Variants in ZBTB20 observed in about 807,000 individuals in gnomAD.
The protein encoded by ZBTB20 is zinc finger and BTB domain-containing protein 20.
A neutral mutation model predicts 56.9 loss-of-function variants in ZBTB20; 9 were observed. The ratio of observed to expected loss-of-function variants is 0.16; its 90% CI spans 0.10 to 0.28. The LOEUF (loss-of-function observed/expected upper bound fraction) is 0.28. Ranked by LOEUF, ZBTB20 falls within the 10% of genes least tolerant of loss-of-function variation. The probability of loss-of-function intolerance (pLI) is 1.00; values close to 1 mark genes in which losing one functional copy is unlikely to be tolerated. For missense variants in ZBTB20, 655 were observed against 1,003.0 expected (o/e 0.65, Z 4.69); for synonymous variants, 417 against 420.7 (o/e 0.99, Z 0.11).
At chr3:114,358,533 T>C (rs1010127322) in intron 10 of ZBTB20, among the ~76,000 whole-genome samples, 5 of 152,230 alleles carry the variant, frequency 3.3e-5, no homozygotes, top group African/African-American at 1.2e-4. Flanking sequence ...TCTTTTTACT[T>C]GGCCTTAGAG....
At chr3:115,030,669 A>G (rs962162489) in intron 2 of ZBTB20, among the ~76,000 whole-genome samples, 1 of 151,218 alleles carries the variant, frequency 6.6e-6, no homozygotes, top group Non-Finnish European at 1.5e-5. Context: ...ATGAGAGATG[A>G]TTCTGTCCTC....
At chr3:114,592,738 A>G (rs1480384142) in intron 6 of ZBTB20, among the ~76,000 whole-genome samples, 1 of 152,240 alleles carries the variant, frequency 6.6e-6, no homozygotes, top group Non-Finnish European at 1.5e-5. Context: ...CCTTCCACTA[A>G]AGAGATTACT....
At chr3:115,141,701 T>C (rs1033230419) in intron 1 of ZBTB20, among the ~76,000 whole-genome samples, 1 of 152,186 alleles carries the variant, frequency 6.6e-6, no homozygotes, top group Non-Finnish European at 1.5e-5. Context: ...TATTAAAACC[T>C]TTCTTTGTCT....
At chr3:114,591,943 G>A (rs576677792) in intron 6 of ZBTB20, among the ~76,000 whole-genome samples, 1 of 152,042 alleles carries the variant, frequency 6.6e-6, no homozygotes, top group East Asian at 1.9e-4. Context: ...TGTGATTTTT[G>A]CATCACTCTT....
At chr3:115,093,584 C>T (rs534837531) in intron 1 of ZBTB20, among the ~76,000 whole-genome samples, 16 of 152,162 alleles carry the variant, frequency 1.1e-4, no homozygotes, top group African/African-American at 2.7e-4. Context: ...AGGAAACACA[C>T]GCACACTTAT....
intron 2 of ZBTB20, among the ~76,000 whole-genome samples, chr3:115,031,021 A>T (rs1184010318): frequency 6.6e-6 from 1 of 151,432 alleles, no homozygotes; most frequent in African/African-American, 2.4e-5. Context: ...ATTTACATAC[A>T]TCCCTTCATA....
intron 7 of ZBTB20, among the ~76,000 whole-genome samples, chr3:114,397,905 G>A (rs1220065370): frequency 6.6e-6 from 1 of 152,050 alleles, no homozygotes; most frequent in East Asian, 1.9e-4. Flanking sequence ...AAACTCTTAA[G>A]CCTGGGCTCG....
intron 1 of ZBTB20, among the ~76,000 whole-genome samples, chr3:115,129,880 T>G (rs1261812855): frequency 6.6e-6 from 1 of 152,210 alleles, no homozygotes; most frequent in Non-Finnish European, 1.5e-5. Context: ...ACACCTTCCA[T>G]GCATTCCACT....
chr3:114,961,124 A>AT (rs1182830602), intron 3 of ZBTB20, among the ~76,000 whole-genome samples: 2 of 151,922 alleles, frequency 1.3e-5, no homozygotes, highest in Non-Finnish European at 2.9e-5. Flanking sequence ...AAAAAAAAAA[A>AT]AATACATGAT....
At chr3:114,394,229 A>C (rs970134476) in intron 7 of ZBTB20, among the ~76,000 whole-genome samples, 1 of 152,196 alleles carries the variant, frequency 6.6e-6, no homozygotes, top group African/African-American at 2.4e-5. Flanking sequence ...TTTTACAGAT[A>C]AGGAAAAGTG....
At chr3:114,367,005 A>C (rs569269249) in intron 10 of ZBTB20, 47 of 152,396 alleles carry the variant, frequency 3.1e-4, no homozygotes, top group African/African-American at 1.1e-3. Context: ...CTTTCAAAAA[A>C]ATAAAAGATG....
At chr3:115,013,569 C>T (rs1451106923) in intron 2 of ZBTB20, among the ~76,000 whole-genome samples, 1 of 151,694 alleles carries the variant, frequency 6.6e-6, no homozygotes, top group African/African-American at 2.4e-5. Context: ...AAGCCCACTA[C>T]CTGATGGCTT....
chr3:114,861,007 G>A (rs140688771), intron 4 of ZBTB20, among the ~76,000 whole-genome samples: 2 of 152,278 alleles, frequency 1.3e-5, no homozygotes, highest in East Asian at 3.9e-4. Context: ...GTATTGTAAA[G>A]ACTTTCAAAG....
At chr3:115,101,953 T>C (rs1485515880) in intron 1 of ZBTB20, among the ~76,000 whole-genome samples, 1 of 152,230 alleles carries the variant, frequency 6.6e-6, no homozygotes, top group Admixed American at 6.5e-5. Flanking sequence ...GATCAACCGA[T>C]TCTTCACCTT....
intron 1 of ZBTB20, among the ~76,000 whole-genome samples, chr3:115,099,469 G>C (rs1448399975): frequency 2.0e-5 from 3 of 152,160 alleles, no homozygotes; most frequent in African/African-American, 4.8e-5. Flanking sequence ...CAAAATAAAA[G>C]TTAGAAAACA....
intron 6 of ZBTB20, among the ~76,000 whole-genome samples, chr3:114,509,159 C>T (rs2045014328): frequency 6.6e-6 from 1 of 152,116 alleles, no homozygotes; most frequent in Admixed American, 6.6e-5. Context: ...TCTAGTCCTA[C>T]TTATTTCCAC....
chr3:114,713,903 A>G (rs776669711), intron 5 of ZBTB20: 2 of 152,598 alleles, frequency 1.3e-5, no homozygotes, highest in Non-Finnish European at 2.9e-5. Context: ...TACATTTGTA[A>G]TATTTATGCC....
At chr3:115,031,825 T>C (rs542461879) in intron 2 of ZBTB20, among the ~76,000 whole-genome samples, 2 of 151,534 alleles carry the variant, frequency 1.3e-5, no homozygotes, top group African/African-American at 4.8e-5. Flanking sequence ...TACAAAATGA[T>C]TTGGTGGAAA....
intron 6 of ZBTB20, chr3:114,518,668 A>G (rs1383146441): frequency 6.6e-6 from 1 of 152,180 alleles, no homozygotes; most frequent in African/African-American, 2.4e-5. Flanking sequence ...CTGAAAGATA[A>G]CAGGGGCTCA....
Sources: allele counts gnomAD v4.1 joint callset (sites outside exome capture counted in the v4.1 genomes callset), GRCh38; gene constraint gnomAD v4.1.1; transcripts MANE v1.5; gene names NCBI Gene and HGNC (gene_info 2026-07-23, HGNC 2026-07-21).